CCND3: variants seen among roughly 807,000 people sequenced by gnomAD.
CCND3 encodes cyclin D3, also known as G1/S-specific cyclin-D3.
CCND3 carries 9 observed loss-of-function variants against 28.7 expected under a neutral mutation model. The ratio of observed to expected loss-of-function variants is 0.31; its 90% CI spans 0.19 to 0.55. The LOEUF is 0.55. Ranked by LOEUF, CCND3 falls within the 20% of genes least tolerant of loss-of-function variation. CCND3 has a pLI of 0.93. For synonymous variants in CCND3, 164 were observed against 163.9 expected (o/e 1.00, Z 0.00); for missense variants, 315 against 385.8 (o/e 0.82, Z 1.54).
chr6:41,942,073 G>T (rs910446305), upstream of CCND3, among the ~76,000 whole-genome samples: 4 of 152,170 alleles, frequency 2.6e-5, no homozygotes, highest in Non-Finnish European at 5.9e-5. Context: ...TCGGACTCTA[G>T]TCACCCAGGA....
intron 1 of CCND3, among the ~76,000 whole-genome samples, chr6:42,045,729 A>C (rs376562506): frequency 1.3e-5 from 2 of 152,256 alleles, no homozygotes; most frequent in African/African-American, 4.8e-5. Context: ...TGAGGATTTA[A>C]AATTTAAATG....
chr6:42,010,120 A>C (rs1197779569), intron 1 of CCND3, among the ~76,000 whole-genome samples: 1 of 151,954 alleles, frequency 6.6e-6, no homozygotes, highest in Non-Finnish European at 1.5e-5. Flanking sequence ...CCTGAAGGGG[A>C]TGGGTTATCA....
chr6:42,021,835 C>T (rs1381524021), intron 1 of CCND3, among the ~76,000 whole-genome samples: 2 of 152,142 alleles, frequency 1.3e-5, no homozygotes, highest in Non-Finnish European at 2.9e-5. Context: ...CCTAGGAGAA[C>T]AGAACACCAA....
intron 1 of CCND3, among the ~76,000 whole-genome samples, chr6:41,998,878 C>T (rs565541242): frequency 6.6e-6 from 1 of 151,652 alleles, no homozygotes; most frequent in Non-Finnish European, 1.5e-5. Flanking sequence ...GGAGTTTCTC[C>T]ATGTTGGTCA....
chr6:41,990,702 C>A (rs1762621145), intron 1 of CCND3, among the ~76,000 whole-genome samples: 1 of 112,356 alleles, frequency 8.9e-6, no homozygotes, highest in Non-Finnish European at 1.7e-5. Flanking sequence ...GTGATGGAGT[C>A]TTGCTCTGTC....
intron 1 of CCND3, among the ~76,000 whole-genome samples, chr6:42,006,825 G>A (rs1173558123): frequency 1.3e-5 from 2 of 151,730 alleles, no homozygotes; most frequent in African/African-American, 4.8e-5. Context: ...GGAGAATGGT[G>A]TGAACCCAGG....
chr6:42,037,798 C>T (rs1422178655), intron 1 of CCND3, among the ~76,000 whole-genome samples: 4 of 151,482 alleles, frequency 2.6e-5, no homozygotes, highest in African/African-American at 9.7e-5. Flanking sequence ...TTTGGGAGGC[C>T]GAGGCGGACG....
chr6:41,987,467 G>C (rs554194139), intron 1 of CCND3, among the ~76,000 whole-genome samples: 46 of 147,664 alleles, frequency 3.1e-4, no homozygotes, highest in African/African-American at 1.0e-3. Flanking sequence ...AACTCCCATG[G>C]ACCAGGCTTT....
chr6:42,003,885 T>C (rs980589328), intron 1 of CCND3, among the ~76,000 whole-genome samples: 1 of 134,484 alleles, frequency 7.4e-6, no homozygotes, highest in African/African-American at 2.8e-5. Context: ...GAGGCTGTAG[T>C]AAACCATCAT....
chr6:41,960,020 A>G (rs1477007760), intron 1 of CCND3, among the ~76,000 whole-genome samples: 1 of 152,228 alleles, frequency 6.6e-6, no homozygotes, highest in Non-Finnish European at 1.5e-5. Flanking sequence ...ATAATATGGC[A>G]TATGCATACA....
chr6:41,941,154 G>T lies in CCND3; in HGVS notation c.198+298C>A. 6.8e-7 allele frequency: 1 copy of T among 1,464,666 alleles called. No individual in the cohort carries two copies. Among genetic ancestry groups the T allele is most frequent in the Non-Finnish European group, 9.0e-7 (1 of 1,113,436 alleles). The allele number at this position is 1,464,666 out of a possible 1,614,324, so 90.7% of individuals were successfully genotyped here. A position where few individuals can be genotyped will look rare whatever the true frequency, so the allele number is the denominator to read the frequency against. ...AGAAGGCCGGGAGGCGGAGGGAAGC[G>T]GGAGACGCTGTGAGAAGCCGAAGGG... On this transcript the variant is annotated intron_variant, in intron 1 of 4. Transcript: ENST00000372991. The surrounding 1 kb of genome is among the most constrained non-coding windows in gnomAD (Gnocchi z 6.1).
At chr6:41,970,745 G>T (rs991865818) in intron 1 of CCND3, among the ~76,000 whole-genome samples, 19 of 152,156 alleles carry the variant, frequency 1.2e-4, no homozygotes, top group African/African-American at 3.9e-4. Flanking sequence ...AGTCGAATGG[G>T]TGCCCAACTG....
intron 1 of CCND3, among the ~76,000 whole-genome samples, chr6:42,044,169 A>G (rs1042513845): frequency 1.3e-5 from 2 of 152,264 alleles, no homozygotes; most frequent in Admixed American, 6.5e-5. Flanking sequence ...TATGCCGCAG[A>G]GGCGGAGGCC....
chr6:41,968,419 A>T (rs1052609352), intron 1 of CCND3, among the ~76,000 whole-genome samples: 1 of 152,170 alleles, frequency 6.6e-6, no homozygotes, highest in Non-Finnish European at 1.5e-5. Context: ...TTATGATATG[A>T]AGATGCAGCT....
chr6:42,015,290 T>G (rs1763466000), intron 1 of CCND3, among the ~76,000 whole-genome samples: 1 of 151,964 alleles, frequency 6.6e-6, no homozygotes, highest in Admixed American at 6.6e-5. Flanking sequence ...TCTGAGTGAG[T>G]GGTGGGGGCT....
At chr6:41,995,237 T>C (rs2127417973) in intron 1 of CCND3, among the ~76,000 whole-genome samples, 1 of 151,966 alleles carries the variant, frequency 6.6e-6, no homozygotes, top group East Asian at 1.9e-4. Context: ...CCACAACCAC[T>C]CAGTTATATG....
rs1474586522 is a variant in CCND3, at chr6:41,936,378, C to G, written c.711+181G>C. ...AACCCCTAGGGCCAGTGCCCTTCACCCCACCCAAGATACTTGCTCTTCCCC... is the reference window on the plus strand; with the variant it reads ...AACCCCTAGGGCCAGTGCCCTTCACGCCACCCAAGATACTTGCTCTTCCCC... On this transcript the variant is annotated intron_variant, in intron 4 of 4. Coordinates refer to ENST00000372991, the MANE Select transcript of CCND3 (RefSeq NM_001760.5). The surrounding 1 kb of genome is among the most constrained non-coding windows in gnomAD (Gnocchi z 4.4). The G allele has an allele frequency of 4.0e-6, 3 of 748,242 alleles. No homozygotes were observed. Among genetic ancestry groups the G allele is most frequent in the Non-Finnish European group, 6.4e-6 (3 of 467,556 alleles). The allele number at this position is 748,242 out of a possible 1,614,324, so 46.4% of individuals were successfully genotyped here.
Position 41,935,445 on chromosome 6 carries a change from G to A in CCND3, c.*495C>T, listed in dbSNP as rs1263777881. On this transcript the variant is annotated 3_prime_UTR_variant, in exon 5 of 5. Coordinates refer to ENST00000372991, the MANE Select transcript of CCND3 (RefSeq NM_001760.5). ...AGCAGCTGTCAGCACGGACTACATAGGGGCCTCCAAAGTACTGAGAGGAGC... is the reference window on the plus strand; with the variant it reads ...AGCAGCTGTCAGCACGGACTACATAAGGGCCTCCAAAGTACTGAGAGGAGC... 2 of 252,626 alleles carry A rather than the reference G, an allele frequency of 7.9e-6. No individual in the cohort carries two copies. Among genetic ancestry groups the A allele is most frequent in the African/African-American group, 4.3e-5 (2 of 45,988 alleles). The allele number at this position is 252,626 out of a possible 1,614,324, so 15.6% of individuals were successfully genotyped here. A position where few individuals can be genotyped will look rare whatever the true frequency, so the allele number is the denominator to read the frequency against.
At chr6:42,019,244 T>G (rs1037937508) in intron 1 of CCND3, among the ~76,000 whole-genome samples, 2 of 152,048 alleles carry the variant, frequency 1.3e-5, no homozygotes, top group Admixed American at 6.6e-5. Flanking sequence ...TCCCAGCACT[T>G]TGGGAGGCCA....
Sources: allele counts gnomAD v4.1 joint callset (sites outside exome capture counted in the v4.1 genomes callset), GRCh38; gene constraint gnomAD v4.1.1; non-coding constraint Gnocchi (gnomAD v3.1); transcripts MANE v1.5; gene names NCBI Gene and HGNC (gene_info 2026-07-23, HGNC 2026-07-21).